LAIR1: variants seen among roughly 807,000 people sequenced by gnomAD.
The protein encoded by LAIR1 is leukocyte associated immunoglobulin like receptor 1.
A neutral mutation model predicts 32.8 loss-of-function variants in LAIR1; 24 were observed. The ratio of observed to expected loss-of-function variants is 0.73; its 90% CI spans 0.53 to 1.03. The LOEUF is 1.03. Ranked by LOEUF, LAIR1 falls within the 50% of genes least tolerant of loss-of-function variation. The pLI is 0.00. For missense variants in LAIR1, 355 were observed against 347.5 expected, an observed-to-expected ratio of 1.02 and a Z score of -0.17; for synonymous variants, 150 against 140.5, an observed-to-expected ratio of 1.07 and a Z score of -0.48.
upstream of LAIR1, among the ~76,000 whole-genome samples, chr19:54,372,141 T>C (rs182779305): frequency 9.3e-4 from 141 of 151,796 alleles, 8 homozygotes; most frequent in Middle Eastern, 3.4e-3. Context: ...TCGGTAAATA[T>C]CAAGGAATGC....
chr19:54,367,984 G>T (rs2082307203), upstream of LAIR1, among the ~76,000 whole-genome samples: 1 of 151,500 alleles, frequency 6.6e-6, no homozygotes. Context: ...TTGTTAGCCA[G>T]GATGGTCTCG....
chr19:54,360,321 G>T (rs2081951336), intron 3 of LAIR1, among the ~76,000 whole-genome samples: 1 of 114,746 alleles, frequency 8.7e-6, no homozygotes, highest in Non-Finnish European at 1.9e-5. Flanking sequence ...GGACTGCTGA[G>T]GTCCTGGAGG....
upstream of LAIR1, among the ~76,000 whole-genome samples, chr19:54,372,202 G>A (rs192912892): frequency 2.0e-4 from 30 of 151,578 alleles, no homozygotes; most frequent in African/African-American, 3.2e-4. Flanking sequence ...AGAAATTGCC[G>A]CACTGTCTCC....
chr19:54,358,100 A>T, intron 4 of LAIR1: 1 of 145,818 alleles, frequency 6.9e-6, no homozygotes, highest in Non-Finnish European at 1.5e-5. Flanking sequence ...TATAACTTAT[A>T]ATATATGTTA....
chr19:54,351,463 G>A lies in LAIR1; in HGVS notation c.*3805C>T, dbSNP rs2081529996. The A allele has an allele frequency of 6.6e-6, 1 of 152,132 alleles. No homozygotes were observed. The highest frequency in any genetic ancestry group is 2.4e-5 in the African/African-American group (1 of 41,410). 9.4% of individuals were successfully genotyped at this position (152,132 alleles called of 1,614,324 possible). ...CACACAGATGCCAGAAATTTTCTATGAACGTAAAATCTTTGGTGCAATCAA... is the reference window on the plus strand; with the variant it reads ...CACACAGATGCCAGAAATTTTCTATAAACGTAAAATCTTTGGTGCAATCAA... On this transcript the variant is annotated 3_prime_UTR_variant, in exon 10 of 10. Transcript: ENST00000391742.
At position 54,352,018 on chromosome 19, in the gene LAIR1, A is replaced by G. The variant is rs571733138; in HGVS notation, c.*3250T>C. The G allele has an allele frequency of 4.5e-4, 68 of 152,244 alleles. 1 individual carries two copies. The highest frequency in any genetic ancestry group is 4.5e-3 in the Admixed American group (68 of 15,280). The allele number at this position is 152,244 out of a possible 1,614,324, so 9.4% of individuals were successfully genotyped here. A position where few individuals can be genotyped will look rare whatever the true frequency, so the allele number is the denominator to read the frequency against. ...CGCTGGGGTCCTGGTACCTACAGTG[A>G]TGGTTCTGAATAAAGCCCTCCTTAC... is the stretch of plus-strand genomic sequence containing the variant. On this transcript the variant is annotated 3_prime_UTR_variant, in exon 10 of 10. Transcript: ENST00000391742.
At chr19:54,375,688 C>T in the LAIR1 span, among the ~76,000 whole-genome samples, 2 of 151,930 alleles carry the variant, frequency 1.3e-5, no homozygotes, top group African/African-American at 2.4e-5. Context: ...GGCCACCTCC[C>T]CAGTGAGGCT....
At chr19:54,365,142 C>T (rs140979146), upstream of LAIR1, 19,203 of 1,004,252 alleles carry the variant, frequency 0.019, 406 homozygotes, top group Admixed American at 0.11. Context: ...TTGACTTGGA[C>T]GCCGTCCCAA....
chr19:54,352,464 G>T lies in LAIR1; in HGVS notation c.*2804C>A, dbSNP rs1259074037. 1 of 153,732 alleles carries T rather than the reference G, an allele frequency of 6.5e-6. No individual in the cohort carries two copies. Among genetic ancestry groups the T allele is most frequent in the African/African-American group, 2.4e-5 (1 of 41,430 alleles). 9.5% of individuals were successfully genotyped at this position (153,732 alleles called of 1,614,324 possible). A position where few individuals can be genotyped will look rare whatever the true frequency, so the allele number is the denominator to read the frequency against. On this transcript the variant is annotated 3_prime_UTR_variant, in exon 10 of 10. Transcript: ENST00000391742. ...GAGTTCTGGCCCCTGCGTTGGGCGGGTTGGCAAGTCAAGAGAAAAAACAAG... is the reference window on the plus strand; with the variant it reads ...GAGTTCTGGCCCCTGCGTTGGGCGGTTTGGCAAGTCAAGAGAAAAAACAAG...
chr19:54,351,587 C>G lies in LAIR1; in HGVS notation c.*3681G>C, dbSNP rs2081532391. The G allele has an allele frequency of 6.6e-6, 1 of 152,180 alleles. No homozygotes were observed. Among genetic ancestry groups the G allele is most frequent in the Admixed American group, 6.5e-5 (1 of 15,286 alleles). 9.4% of individuals were successfully genotyped at this position (152,180 alleles called of 1,614,324 possible). On this transcript the variant is annotated 3_prime_UTR_variant, in exon 10 of 10. Coordinates refer to ENST00000391742, the MANE Select transcript of LAIR1 (RefSeq NM_002287.6). Reference sequence around the variant, plus strand: ...TCAGAGACTAACTGGCATCACCAACCAAAACACAACATGCTATCACCACAA... The same window carrying G: ...TCAGAGACTAACTGGCATCACCAACGAAAACACAACATGCTATCACCACAA...
At chr19:54,361,659 G>A (rs1450132478) in intron 2 of LAIR1, among the ~76,000 whole-genome samples, 1 of 142,486 alleles carries the variant, frequency 7.0e-6, no homozygotes, top group South Asian at 2.3e-4. Flanking sequence ...GCCGGTCCCC[G>A]GGTGGGACTG....
rs1261296429 is a variant in LAIR1, at chr19:54,355,818, TCTCGACAGCAAC to T, written c.717+124_717+135del. ...CGGATGCACACAGCCCTGGGCGACC[TCTCGACAGCAAC>T]CTCAGGACAGGCCGTGAGCCGGAAC... On this transcript the variant is annotated intron_variant, in intron 9 of 9. Transcript: ENST00000391742. This position sits in a 1 kb window ranked among gnomAD's most constrained non-coding sequence, Gnocchi z 4.7. The T allele has an allele frequency of 1.2e-5, 8 of 677,870 alleles. No individual in the cohort carries two copies. The Admixed American group carries it at 1.8e-4, about 15-fold the overall frequency. 42.0% of individuals were successfully genotyped at this position (677,870 alleles called of 1,614,324 possible).
In LAIR1 at chr19:54,356,350, C is replaced by G. The variant is rs186375136; in HGVS notation, c.626+6G>C. 1 of 1,596,104 alleles carries G rather than the reference C, an allele frequency of 6.3e-7. No homozygotes were observed. ...GAGGTCCAGGAGTCATTCCCAGGGG[C>G]CTCACCTCTGCTGTGGCTTCTGCTC... On this transcript the variant is annotated splice_donor_region_variant and intron_variant, in intron 7 of 9. Transcript: ENST00000391742.
upstream of LAIR1, among the ~76,000 whole-genome samples, chr19:54,369,758 A>G (rs187969552): frequency 4.3e-4 from 66 of 151,768 alleles, no homozygotes; most frequent in Non-Finnish European, 7.4e-4. Context: ...AAGTGGAAAG[A>G]CAACATCTAC....
At chr19:54,362,534 G>A (rs1781597915) in intron 2 of LAIR1, among the ~76,000 whole-genome samples, 1 of 152,194 alleles carries the variant, frequency 6.6e-6, no homozygotes, top group African/African-American at 2.4e-5. Flanking sequence ...ACCCAGGATG[G>A]AGTGCAGTGG....
Position 54,364,097 on chromosome 19 carries a change from G to C in LAIR1, c.70+198C>G, listed in dbSNP as rs1359133951. Reference sequence around the variant, plus strand: ...AATAAAATTTTTGAAAATAAGAAAAGCAAAATAAGACAGGTGGAGGATGCG... The same window carrying C: ...AATAAAATTTTTGAAAATAAGAAAACCAAAATAAGACAGGTGGAGGATGCG... On this transcript the variant is annotated intron_variant, in intron 2 of 9. Coordinates refer to ENST00000391742, the MANE Select transcript of LAIR1 (RefSeq NM_002287.6). The surrounding 1 kb of genome is among the most constrained non-coding windows in gnomAD (Gnocchi z 4.8). 6.6e-6 allele frequency among the ~76,000 whole-genome samples: 1 copy of C among 151,996 alleles called. No individual in the cohort carries two copies. Among genetic ancestry groups the C allele is most frequent in the Non-Finnish European group, 1.5e-5 (1 of 68,004 alleles).
chr19:54,365,127 A>G (rs1043248405), upstream of LAIR1: 1 of 1,137,320 alleles, frequency 8.8e-7, no homozygotes, highest in Non-Finnish European at 1.1e-6. Context: ...AGGTCGGGCA[A>G]CCAATTGACT....
upstream of LAIR1, among the ~76,000 whole-genome samples, chr19:54,372,162 T>C (rs1478443517): frequency 6.6e-6 from 1 of 151,680 alleles, no homozygotes; most frequent in Non-Finnish European, 1.5e-5. Flanking sequence ...AATTGCTGGA[T>C]TACATGGCAA....
chr19:54,375,363 A>T (rs62132249), upstream of LAIR1, among the ~76,000 whole-genome samples: 43,740 of 151,298 alleles, frequency 0.29, 6,917 homozygotes, highest in Middle Eastern at 0.45. Context: ...GCTGTGCAGA[A>T]TGCAGAGGCT....
Sources: gnomAD v4.1 joint callset for allele counts (sites outside exome capture counted in the v4.1 genomes callset) on GRCh38, gnomAD v4.1.1 for gene constraint, Gnocchi (gnomAD v3.1) non-coding constraint, MANE v1.5 for transcripts, NCBI Gene and HGNC (gene_info 2026-07-23, HGNC 2026-07-21) for gene names.